The following SHOC1 variants were observed in gnomAD, a reference collection of about 807,000 sequenced individuals.
SHOC1 encodes the protein protein shortage in chiasmata 1 ortholog.
SHOC1 carries 136 observed loss-of-function variants against 179.2 expected under a neutral mutation model. The observed-to-expected ratio is 0.76, with a 90% CI of 0.66 to 0.87. SHOC1 has a LOEUF of 0.87. Ranked by LOEUF, SHOC1 falls within the 40% of genes least tolerant of loss-of-function variation. SHOC1 has a pLI of 0.00. For synonymous variants in SHOC1, 489 were observed against 586.6 expected, an observed-to-expected ratio of 0.83 and a Z score of 2.41; for missense variants, 1,538 against 1,700.8, an observed-to-expected ratio of 0.90 and a Z score of 1.68.
intron 10 of SHOC1, among the ~76,000 whole-genome samples, chr9:111,742,490 G>C (rs919790143): frequency 8.2e-5 from 12 of 145,684 alleles, no homozygotes; most frequent in African/African-American, 1.6e-4. Flanking sequence ...GGGGTACTCG[G>C]GGGGAGAAGG....
chr9:111,704,781 T>C (rs1289276214), intron 21 of SHOC1, among the ~76,000 whole-genome samples: 1 of 152,182 alleles, frequency 6.6e-6, no homozygotes, highest in Non-Finnish European at 1.5e-5. Context: ...TTTAAAACCT[T>C]GAGAATTCAT....
At chr9:111,794,143 T>C (rs1836543072) in intron 1 of SHOC1, among the ~76,000 whole-genome samples, 1 of 148,316 alleles carries the variant, frequency 6.7e-6, no homozygotes, top group Non-Finnish European at 1.5e-5. Flanking sequence ...TGAGCCACCA[T>C]ATGCCAGGCC....
intron 5 of SHOC1, among the ~76,000 whole-genome samples, chr9:111,770,513 G>T (rs1835560000): frequency 6.6e-6 from 1 of 152,142 alleles, no homozygotes; most frequent in East Asian, 1.9e-4. Flanking sequence ...TACACAGTAT[G>T]AAGTTAGCTA....
intron 15 of SHOC1, among the ~76,000 whole-genome samples, chr9:111,719,647 TGCCA>T (rs1832947388): frequency 6.6e-6 from 1 of 152,294 alleles, no homozygotes; most frequent in East Asian, 1.9e-4. Flanking sequence ...ATTACCAGAA[TGCCA>T]GCTCCCCAAA....
intron 1 of SHOC1, among the ~76,000 whole-genome samples, chr9:111,794,604 A>C (rs757233289): frequency 1.3e-5 from 2 of 152,078 alleles, no homozygotes; most frequent in Non-Finnish European, 2.9e-5. Flanking sequence ...AAAAAACGTA[A>C]CATGGCAGAG....
intron 5 of SHOC1, among the ~76,000 whole-genome samples, chr9:111,762,158 G>A (rs371732634): frequency 2.0e-5 from 3 of 148,304 alleles, no homozygotes; most frequent in African/African-American, 7.5e-5. Context: ...TGTCTAGCAC[G>A]GTGGCTCACA....
In SHOC1 at chr9:111,738,420, T is replaced by C; in HGVS notation, c.1277A>G (p.Glu426Gly). 1 of 1,612,686 alleles carries C rather than the reference T, an allele frequency of 6.2e-7. No homozygotes were observed. Among genetic ancestry groups the C allele is most frequent in the Non-Finnish European group, 8.5e-7 (1 of 1,179,478 alleles). ...ESLVINLEKA[E>G]WWKQAGLNLK... ...ATTTAGTCCTGCTTGTTTCCACCACTCTGCCTTTTCCAGATTAATCACAAG... is the reference window on the plus strand; with the variant it reads ...ATTTAGTCCTGCTTGTTTCCACCACCCTGCCTTTTCCAGATTAATCACAAG... Residue 426 changes from glutamate to glycine, a missense_variant, in exon 12 of 28, where the codon GAG (glutamate) becomes GGG (glycine). Coordinates refer to ENST00000682961, the MANE Select transcript of SHOC1 (RefSeq NM_001378211.1).
At chr9:111,702,552 A>G (rs1048364990) in intron 22 of SHOC1, among the ~76,000 whole-genome samples, 1 of 152,186 alleles carries the variant, frequency 6.6e-6, no homozygotes, top group African/African-American at 2.4e-5. Flanking sequence ...GAATAATCAG[A>G]TCCTAGTCCT....
intron 18 of SHOC1, among the ~76,000 whole-genome samples, chr9:111,708,674 A>G (rs1465322167): frequency 6.6e-6 from 1 of 152,190 alleles, no homozygotes; most frequent in East Asian, 1.9e-4. Context: ...TTCTCTTTCT[A>G]CTGAGTATTT....
At chr9:111,728,083 T>G in intron 12 of SHOC1, 34 bp from the exon 13 acceptor site, 5 of 1,435,848 alleles carry the variant, frequency 3.5e-6, no homozygotes, top group Non-Finnish European at 4.7e-6. Context: ...ACAAGTAACT[T>G]CCACACCTAA....
At position 111,718,192 on chromosome 9, in the gene SHOC1, G is replaced by C. The variant is rs745638717; in HGVS notation, c.2228C>G (p.Thr743Arg). The change falls in exon 16 of 28, where the codon ACA becomes AGA. Residue 743 changes from threonine (T) to arginine (R), a missense_variant. Transcript: ENST00000682961. ...AAATATTCCCCACCAACCCAATGCT[G>C]TGTCCAAGCTGCATGTTAAAAGGAC... ...RDVLLTCSLDTALGYLSKAKD... is the reference protein window; with the variant it reads ...RDVLLTCSLDRALGYLSKAKD... 1.3e-6 allele frequency: 2 copies of C among 1,586,704 alleles called. No homozygotes were observed. The highest frequency in any genetic ancestry group is 1.4e-5 in the African/African-American group (1 of 73,606).
chr9:111,789,036 C>T (rs1010105437), intron 2 of SHOC1, among the ~76,000 whole-genome samples: 1 of 152,196 alleles, frequency 6.6e-6, no homozygotes, highest in African/African-American at 2.4e-5. Flanking sequence ...TTTCAAGGCC[C>T]ATCTTAAACA....
intron 18 of SHOC1, among the ~76,000 whole-genome samples, chr9:111,708,981 G>A (rs1300017286): frequency 2.6e-5 from 4 of 152,172 alleles, no homozygotes; most frequent in African/African-American, 9.7e-5. Context: ...CATGACAATA[G>A]TTCTGGTAGT....
intron 5 of SHOC1, among the ~76,000 whole-genome samples, chr9:111,768,849 A>G (rs979289597): frequency 6.0e-5 from 9 of 150,180 alleles, no homozygotes; most frequent in African/African-American, 1.9e-4. Flanking sequence ...AGTCCTTAGA[A>G]GAAAGACCTT....
Position 111,686,224 on chromosome 9 carries a change from T to C in SHOC1, c.*546A>G, listed in dbSNP as rs1831154111. The C allele has an allele frequency of 6.6e-6, 1 of 152,244 alleles. No homozygotes were observed. Among genetic ancestry groups the C allele is most frequent in the Non-Finnish European group, 1.5e-5 (1 of 68,044 alleles). 9.4% of individuals were successfully genotyped at this position (152,244 alleles called of 1,614,324 possible). A position where few individuals can be genotyped will look rare whatever the true frequency, so the allele number is the denominator to read the frequency against. On this transcript the variant is annotated 3_prime_UTR_variant, in exon 28 of 28. Coordinates refer to ENST00000682961, the MANE Select transcript of SHOC1 (RefSeq NM_001378211.1). ...TTGTTTTTTTCTGAGGAAATATCTG[T>C]TCATATATTTTGCCCGTTCTTCTAT...
At chr9:111,762,041 A>G (rs10981059) in intron 5 of SHOC1, among the ~76,000 whole-genome samples, 1 of 152,080 alleles carries the variant, frequency 6.6e-6, no homozygotes, top group Non-Finnish European at 1.5e-5. Context: ...AAATAAGAAT[A>G]CATATTTATA....
intron 2 of SHOC1, among the ~76,000 whole-genome samples, chr9:111,786,361 G>A (rs1836259291): frequency 6.6e-6 from 1 of 152,012 alleles, no homozygotes; most frequent in Non-Finnish European, 1.5e-5. Context: ...TGTGAACCCG[G>A]GAGGTGGAGT....
intron 5 of SHOC1, among the ~76,000 whole-genome samples, chr9:111,773,774 A>G (rs200563888): frequency 6.6e-6 from 1 of 152,070 alleles, no homozygotes; most frequent in African/African-American, 2.4e-5. Context: ...ATAAAAGAAA[A>G]CCAGCCACTG....
At chr9:111,689,373 A>G (rs1831324537) in intron 27 of SHOC1, among the ~76,000 whole-genome samples, 1 of 150,006 alleles carries the variant, frequency 6.7e-6, no homozygotes, top group African/African-American at 2.4e-5. Context: ...TTTAAAAAGC[A>G]ATGTATTTTG....
Sources: gnomAD v4.1 joint callset for allele counts (sites outside exome capture counted in the v4.1 genomes callset) on GRCh38, gnomAD v4.1.1 for gene constraint, MANE v1.5 for transcripts, NCBI Gene and HGNC (gene_info 2026-07-23, HGNC 2026-07-21) for gene names.